Variants in PLEC observed in about 807,000 individuals in gnomAD.
PLEC encodes the protein plectin.
PLEC carries 216 observed loss-of-function variants against 392.8 expected under a neutral mutation model. The ratio of observed to expected loss-of-function variants is 0.55; its 90% CI spans 0.49 to 0.62. The LOEUF (loss-of-function observed/expected upper bound fraction) is 0.62. Among genes scored for constraint, PLEC ranks in the 20% least tolerant of loss-of-function variants. PLEC has a pLI of 0.00. For synonymous variants in PLEC, 3,621 were observed against 2,980.6 expected, an observed-to-expected ratio of 1.21 and a Z score of -7.00; for missense variants, 6,863 against 6,563.4, an observed-to-expected ratio of 1.05 and a Z score of -1.58.
In PLEC at chr8:143,919,046, T is replaced by C. The variant is rs1554677001; in HGVS notation, c.10775A>G (p.Gln3592Arg). ...CTGCTCCTCGGGGATCAGGTCCGAC[T>C]GCATCACCTCCCACAGGGACATGGT... The part of the protein sequence containing the change: ...GSTMSLWEVM[Q>R]SDLIPEEQRA... Residue 3592 changes from glutamine to arginine, a missense_variant, in exon 32 of 32, where the codon CAG becomes CGG. By Grantham distance (43) the Gln-to-Arg change is conservative. Coordinates refer to ENST00000345136, the MANE Select transcript of PLEC (RefSeq NM_201384.3). The C allele has an allele frequency of 5.0e-6, 8 of 1,611,370 alleles. No individual in the cohort carries two copies. The highest frequency in any genetic ancestry group is 5.9e-6 in the Non-Finnish European group (7 of 1,180,002).
chr8:143,919,629 G>C lies in PLEC; in HGVS notation c.10192C>G (p.Leu3398Val), dbSNP rs1437210022. 4 of 1,583,954 alleles carry C rather than the reference G, an allele frequency of 2.5e-6. No individual in the cohort carries two copies. Among genetic ancestry groups the C allele is most frequent in the Non-Finnish European group, 3.4e-6 (4 of 1,168,194 alleles). The change falls in exon 32 of 32, where the codon CTG becomes GTG. Residue 3398 changes from leucine to valine, a missense_variant. Leu to Val is a conservative substitution (Grantham distance 32). Transcript: ENST00000345136. ...CGCTGGTTCCGCACGGGGTCCACCAGGAAGCCAGTGGCCGCCTGCGCCTCC... is the reference window on the plus strand; with the variant it reads ...CGCTGGTTCCGCACGGGGTCCACCACGAAGCCAGTGGCCGCCTGCGCCTCC... The part of the protein sequence containing the change: ...LLEAQAATGF[L>V]VDPVRNQRLY...
chr8:143,932,492 G>C lies in PLEC; in HGVS notation c.1885C>G (p.Leu629Val). The C allele has an allele frequency of 6.2e-7, 1 of 1,612,648 alleles. No homozygotes were observed. The highest frequency in any genetic ancestry group is 8.5e-7 in the Non-Finnish European group (1 of 1,179,970). Residue 629 changes from leucine (L) to valine (V), a missense_variant, in exon 16 of 32, where the codon CTA becomes GTA. By Grantham distance (32) the Leu-to-Val change is conservative. Transcript: ENST00000345136. ...HSFVAAATKE[L>V]MWLNEKEEEE... ...TCCTCCTTCTCATTCAGCCACATTAGCTCCTTAGTGGCGGCTGCCACAAAG... is the reference window on the plus strand; with the variant it reads ...TCCTCCTTCTCATTCAGCCACATTACCTCCTTAGTGGCGGCTGCCACAAAG...
chr8:143,944,638 GC>G, intron 1 of PLEC: 1 of 1,344,246 alleles, frequency 7.4e-7, no homozygotes, highest in South Asian at 2.1e-5. Flanking sequence ...TTCAAGGGCT[GC>G]CCACCTACCG....
rs199603833 is a variant in PLEC, at chr8:143,920,021, C to T, written c.9800G>A (p.Arg3267Gln). Reference sequence around the variant, plus strand: ...GCGGAACTGACGCAACAGCTCCTGCCGCTGCTCCGCAGTGAAGTACTCAGA... The same window carrying T: ...GCGGAACTGACGCAACAGCTCCTGCTGCTGCTCCGCAGTGAAGTACTCAGA... ...ISSEYFTAEQ[R>Q]QELLRQFRTG... Residue 3267 changes from arginine (R) to glutamine (Q), a missense_variant, in exon 32 of 32, where the codon CGG (arginine) becomes CAG (glutamine). By Grantham distance (43) the Arg-to-Gln change is conservative. Coordinates refer to ENST00000345136, the MANE Select transcript of PLEC (RefSeq NM_201384.3). 1.8e-4 allele frequency: 290 copies of T among 1,613,332 alleles called. 1 individual carries two copies. The highest frequency in any genetic ancestry group is 5.3e-5 in the African/African-American group (4 of 75,052).
In PLEC at chr8:143,930,511, T is replaced by C. The variant is rs1554714090; in HGVS notation, c.2330A>G (p.Tyr777Cys). The C allele has an allele frequency of 5.6e-6, 9 of 1,596,662 alleles. No individual in the cohort carries two copies. In the South Asian group the frequency reaches 1.0e-4, roughly 18 times the overall value. ...AQDEKEQLNE[Y>C]KGHLSGLAKR... The stretch of plus-strand genomic sequence containing the variant: ...GGCCAGGCCTGAGAGGTGGCCCTTG[T>C]ACTCGTTCAGCTGTTCCTTCTCGTC... The change falls in exon 20 of 32, where the codon TAC becomes TGC. Residue 777 changes from tyrosine (Y) to cysteine (C), a missense_variant. Coordinates refer to ENST00000345136, the MANE Select transcript of PLEC (RefSeq NM_201384.3).
upstream of PLEC, chr8:143,958,459 T>A: frequency 3.2e-6 from 1 of 314,882 alleles, no homozygotes; most frequent in South Asian, 2.4e-5. The surrounding 1 kb of genome is among the most constrained non-coding windows in gnomAD (Gnocchi z 4.9). Context: ...CCCACCCACA[T>A]GACCATCCAT....
chr8:143,965,981 G>C (rs1554742108), intron 1 of PLEC, among the ~76,000 whole-genome samples: 1 of 152,090 alleles, frequency 6.6e-6, no homozygotes, highest in Non-Finnish European at 1.5e-5. Context: ...GTCCTGGAGA[G>C]GGTTCTCCCT....
At chr8:143,932,605 C>T in intron 15 of PLEC, 30 bp downstream of exon 15, 2 of 1,611,838 alleles carry the variant, frequency 1.2e-6, no homozygotes, top group African/African-American at 1.3e-5. Context: ...GGGCTACCCA[C>T]CTCCCCCGGC....
chr8:143,927,541 G>A lies in PLEC; in HGVS notation c.3625C>T (p.Leu1209=), dbSNP rs1554707759. 2 of 1,596,594 alleles carry A rather than the reference G, an allele frequency of 1.3e-6. No individual in the cohort carries two copies. The highest frequency in any genetic ancestry group is 2.2e-5 in the East Asian group (1 of 44,754). ...TCTGCACTCTCGCGGTAGTAACGCA[G>A]CTGGCGGCCCAGTTGCTCGAGCTCG... ...QRELEQLGRQ[L]RYYRESADPL... is the part of the protein sequence containing the mutation. Residue 1209 remains leucine, a synonymous_variant, in exon 27 of 32, where the codon CTG becomes TTG. Transcript: ENST00000345136.
intron 26 of PLEC, 39 bp downstream of exon 26, chr8:143,927,814 AC>A (rs1825777987): frequency 6.4e-7 from 1 of 1,560,794 alleles, no homozygotes; most frequent in Non-Finnish European, 8.7e-7. Context: ...GGCCCGCTGT[AC>A]CCCCACCCCG....
chr8:143,918,295 C>G lies in PLEC; in HGVS notation c.11526G>C (p.Glu3842Asp). The G allele has an allele frequency of 6.3e-7, 1 of 1,591,936 alleles. No individual in the cohort carries two copies. The highest frequency in any genetic ancestry group is 1.1e-5 in the South Asian group (1 of 90,126). Reference protein sequence around the residue: ...DTHDQLSEPSEVRSYVDPSTD... With the variant: ...DTHDQLSEPSDVRSYVDPSTD... Reference sequence around the variant, plus strand: ...TGGACGGGTCCACGTAGCTGCGCACCTCGCTGGGCTCTGACAGCTGGTCGT... The same window carrying G: ...TGGACGGGTCCACGTAGCTGCGCACGTCGCTGGGCTCTGACAGCTGGTCGT... The change falls in exon 32 of 32, where the codon GAG (glutamate) becomes GAC (aspartate). Residue 3842 changes from glutamate (E) to aspartate (D), a missense_variant. Glu to Asp is a conservative substitution (Grantham distance 45, BLOSUM62 2). Coordinates refer to ENST00000345136, the MANE Select transcript of PLEC (RefSeq NM_201384.3).
chr8:143,949,888 C>A (rs1831934290), intron 1 of PLEC, among the ~76,000 whole-genome samples: 2 of 152,206 alleles, frequency 1.3e-5, no homozygotes, highest in Middle Eastern at 6.8e-3. Flanking sequence ...GCGGAGGGGG[C>A]GAAGGCAAGG....
Position 143,924,291 on chromosome 8 carries a change from G to A in PLEC, c.5638C>T (p.Leu1880=), listed in dbSNP as rs782790022. The A allele has an allele frequency of 2.4e-5, 38 of 1,594,426 alleles. No individual in the cohort carries two copies. The highest frequency in any genetic ancestry group is 3.1e-5 in the Non-Finnish European group (37 of 1,177,834). Residue 1880 remains leucine (L), a synonymous_variant, in exon 31 of 32, where the codon CTG becomes TTG. Coordinates refer to ENST00000345136, the MANE Select transcript of PLEC (RefSeq NM_201384.3). ...AEDEAFQRRR[L]EEQAAQHKAD... The stretch of plus-strand genomic sequence containing the variant: ...TTGTGTTGCGCGGCCTGCTCCTCCA[G>A]CCGCCGCCGCTGGAAGGCCTCGTCC...
chr8:143,966,196 C>T (rs982239391), intron 1 of PLEC, among the ~76,000 whole-genome samples: 6 of 152,194 alleles, frequency 3.9e-5, no homozygotes, highest in Admixed American at 2.0e-4. Flanking sequence ...CTTCCTCCTT[C>T]GCAGACCCAA....
chr8:143,931,557 C>G lies in PLEC; in HGVS notation c.2281G>C (p.Glu761Gln). ...CDRSATVTRL[E>Q]DLLQDAQDEK... ...ACCTGGGCATCCTGCAGCAGGTCCT[C>G]CAGCCGGGTGACGGTGGCGGAGCGA... Residue 761 changes from glutamate to glutamine, a missense_variant, in exon 19 of 32, where the codon GAG becomes CAG. Transcript: ENST00000345136. The G allele has an allele frequency of 6.3e-7, 1 of 1,594,276 alleles. No individual in the cohort carries two copies. Among genetic ancestry groups the G allele is most frequent in the Admixed American group, 1.7e-5 (1 of 57,396 alleles).
rs76266162 is a variant in PLEC, at chr8:143,963,400, G to A, written c.70+10003C>T. Among the ~76,000 whole-genome samples the A allele has an allele frequency of 8.3e-3, 1,261 of 152,292 alleles. 9 individuals are homozygous for A. The highest frequency in any genetic ancestry group is 0.014 in the Non-Finnish European group (963 of 68,016). ...CACTGAGCCACAGAAGAGCATTCAC[G>A]GGCCTTGAAACCCCACGGAATTTGC... On this transcript the variant is annotated intron_variant, in intron 1 of 31. Coordinates refer to the PLEC transcript ENST00000356346.
At chr8:143,949,313 G>A (rs1831854552) in intron 1 of PLEC, among the ~76,000 whole-genome samples, 1 of 152,250 alleles carries the variant, frequency 6.6e-6, no homozygotes, top group African/African-American at 2.4e-5. Flanking sequence ...GGGGCCAGGT[G>A]CTGGGGGACC....
chr8:143,921,281 C>T lies in PLEC; in HGVS notation c.8540G>A (p.Ser2847Asn), dbSNP rs1012429536. ...GTCAAAGAAGCCCTTGGTGTCGTCGCTGGGGTCCGCCAGGACGCGGTTCAT... is the reference window on the plus strand; with the variant it reads ...GTCAAAGAAGCCCTTGGTGTCGTCGTTGGGGTCCGCCAGGACGCGGTTCAT... Reference protein sequence around the residue: ...EEMNRVLADPSDDTKGFFDPN... With the variant: ...EEMNRVLADPNDDTKGFFDPN... Residue 2847 changes from serine (S) to asparagine (N), a missense_variant, in exon 32 of 32, where the codon AGC (serine) becomes AAC (asparagine). Transcript: ENST00000345136. 4.3e-6 allele frequency: 7 copies of T among 1,613,964 alleles called. No homozygotes were observed. Among genetic ancestry groups the T allele is most frequent in the East Asian group, 2.2e-5 (1 of 44,888 alleles).
intron 1 of PLEC, among the ~76,000 whole-genome samples, chr8:143,949,937 G>A (rs1280430323): frequency 6.6e-6 from 1 of 152,056 alleles, no homozygotes; most frequent in Non-Finnish European, 1.5e-5. Context: ...CCCGGGGTGT[G>A]CCTGGGCCAC....
Sources: allele counts gnomAD v4.1 joint callset (sites outside exome capture counted in the v4.1 genomes callset), GRCh38; gene constraint gnomAD v4.1.1; non-coding constraint Gnocchi (gnomAD v3.1); transcripts MANE v1.5; gene names NCBI Gene and HGNC (gene_info 2026-07-23, HGNC 2026-07-21).